The following MCTP1 variants were observed in gnomAD, a reference collection of about 807,000 sequenced individuals.
The protein encoded by MCTP1 is multiple C2 and transmembrane domain-containing protein 1.
Under a neutral mutation model 120.6 loss-of-function variants are expected in MCTP1, and 69 were observed. The ratio of observed to expected loss-of-function variants is 0.57; its 90% CI spans 0.47 to 0.70. The LOEUF (loss-of-function observed/expected upper bound fraction) is 0.70. MCTP1 is among the 30% of genes least tolerant of loss of function. MCTP1 has a pLI of 0.00. For synonymous variants in MCTP1, 529 were observed against 493.1 expected, an observed-to-expected ratio of 1.07 and a Z score of -0.96; for missense variants, 1,203 against 1,248.8, an observed-to-expected ratio of 0.96 and a Z score of 0.55.
At chr5:94,941,399 C>A (rs1298521938) in intron 4 of MCTP1, among the ~76,000 whole-genome samples, 1 of 152,056 alleles carries the variant, frequency 6.6e-6, no homozygotes, top group Non-Finnish European at 1.5e-5. Flanking sequence ...CAGTCTGAGG[C>A]AACAATGACT....
In MCTP1 at chr5:95,208,818, T is replaced by A. The variant is rs183081224; in HGVS notation, c.720+75038A>T. 4.3e-3 allele frequency among the ~76,000 whole-genome samples: 662 copies of A among 152,300 alleles called. 7 individuals are homozygous for A. Among genetic ancestry groups the A allele is most frequent in the African/African-American group, 0.015 (617 of 41,564 alleles). The stretch of plus-strand genomic sequence containing the variant: ...TATTCTTGCTTATCTAGAAATCACC[T>A]TCTTGAAAGTCACCAATGATCCATT... On this transcript the variant is annotated intron_variant, in intron 1 of 22. Coordinates refer to ENST00000515393, the MANE Select transcript of MCTP1 (RefSeq NM_024717.7).
chr5:95,169,669 G>A (rs1016629047), intron 1 of MCTP1, among the ~76,000 whole-genome samples: 5 of 152,046 alleles, frequency 3.3e-5, no homozygotes, highest in South Asian at 2.1e-4. Flanking sequence ...CTAGATTTTC[G>A]AGTTTATTTG....
At position 95,182,987 on chromosome 5, in the gene MCTP1, T is replaced by C. The variant is rs535444576; in HGVS notation, c.720+100869A>G. ...GTTGCAGTGGGCTGAGATCGCACCATTGCACTCCAGCCTGGGTGATAGAGC... is the reference window on the plus strand; with the variant it reads ...GTTGCAGTGGGCTGAGATCGCACCACTGCACTCCAGCCTGGGTGATAGAGC... On this transcript the variant is annotated intron_variant, in intron 1 of 22. Transcript: ENST00000515393. 2.8e-3 allele frequency among the ~76,000 whole-genome samples: 414 copies of C among 148,840 alleles called. 2 individuals are homozygous for C. The highest frequency in any genetic ancestry group is 9.8e-3 in the African/African-American group (393 of 40,282).
intron 1 of MCTP1, among the ~76,000 whole-genome samples, chr5:95,077,408 A>G (rs1753836602): frequency 1.3e-5 from 2 of 151,940 alleles, no homozygotes; most frequent in South Asian, 4.1e-4. Flanking sequence ...GTGTAAATAT[A>G]TATGTATATA....
intron 1 of MCTP1, among the ~76,000 whole-genome samples, chr5:95,148,652 A>G (rs949944443): frequency 9.9e-5 from 15 of 152,208 alleles, no homozygotes; most frequent in Non-Finnish European, 2.1e-4. Flanking sequence ...TTGGATCTCA[A>G]TGAGCTTCCT....
chr5:94,838,521 A>G (rs983714354), intron 17 of MCTP1, among the ~76,000 whole-genome samples: 5 of 152,136 alleles, frequency 3.3e-5, no homozygotes, highest in Non-Finnish European at 7.3e-5. Flanking sequence ...CACTAGAGTC[A>G]GAGAACAATA....
At chr5:95,268,893 T>A (rs1759133320) in intron 1 of MCTP1, among the ~76,000 whole-genome samples, 1 of 152,226 alleles carries the variant, frequency 6.6e-6, no homozygotes, top group African/African-American at 2.4e-5. Flanking sequence ...CATCGCTGGG[T>A]CAGGGTCTGT....
chr5:95,162,925 A>G (rs941363528), intron 1 of MCTP1, among the ~76,000 whole-genome samples: 22 of 152,194 alleles, frequency 1.4e-4, no homozygotes, highest in African/African-American at 5.3e-4. Context: ...TGTCATATCT[A>G]AAGGATGGCC....
rs931292375 is a variant in MCTP1, at chr5:95,099,663, A to C, written c.721-82179T>G. Reference sequence around the variant, plus strand: ...GATGTGGAGAAATAGGAACACTTTTACACTGTTGGTGGGACTGTAAACTAG... The same window carrying C: ...GATGTGGAGAAATAGGAACACTTTTCCACTGTTGGTGGGACTGTAAACTAG... On this transcript the variant is annotated intron_variant, in intron 1 of 22. Coordinates refer to ENST00000515393, the MANE Select transcript of MCTP1 (RefSeq NM_024717.7). Among the ~76,000 whole-genome samples the C allele has an allele frequency of 3.6e-3, 550 of 150,740 alleles. 3 individuals carry two copies. The highest frequency in any genetic ancestry group is 0.013 in the African/African-American group (511 of 40,874).
At chr5:94,975,415 T>G (rs140963476) in intron 2 of MCTP1, among the ~76,000 whole-genome samples, 1 of 151,944 alleles carries the variant, frequency 6.6e-6, no homozygotes, top group East Asian at 2.0e-4. Flanking sequence ...CTCCATGCAC[T>G]GAGGAAAGGC....
intron 19 of MCTP1, among the ~76,000 whole-genome samples, chr5:94,719,332 TTATTA>T (rs1182451546): frequency 6.6e-6 from 1 of 152,158 alleles, no homozygotes; most frequent in East Asian, 1.9e-4. Flanking sequence ...GGAATATAAA[TTATTA>T]TATTATAAAG....
Position 94,800,652 on chromosome 5 carries a change from C to G in MCTP1, c.2437-1520G>C, listed in dbSNP as rs146680129. ...AAATCTAATCATCTTTAATATTTCT[C>G]TAATATTTAAAATGACTTCATGACA... On this transcript the variant is annotated intron_variant, in intron 17 of 22. Transcript: ENST00000515393. Among the ~76,000 whole-genome samples the G allele has an allele frequency of 2.0e-4, 30 of 152,206 alleles. No homozygotes were observed. The East Asian group carries it at 4.4e-3, about 23-fold the overall frequency.
At chr5:94,873,876 A>G (rs1179895743) in intron 12 of MCTP1, among the ~76,000 whole-genome samples, 1 of 146,894 alleles carries the variant, frequency 6.8e-6, no homozygotes, top group East Asian at 2.0e-4. Flanking sequence ...AAAGAGCAGT[A>G]TTTTTTTTTT....
At chr5:94,895,341 A>G (rs867872260) in intron 10 of MCTP1, among the ~76,000 whole-genome samples, 15 of 152,214 alleles carry the variant, frequency 9.9e-5, no homozygotes, top group Middle Eastern at 6.3e-3. Flanking sequence ...TATTCATAGT[A>G]CTCTGTATAA....
At chr5:94,918,155 C>A (rs1485533500) in intron 7 of MCTP1, among the ~76,000 whole-genome samples, 182 bp from the exon 8 acceptor site, 1 of 152,168 alleles carries the variant, frequency 6.6e-6, no homozygotes, top group African/African-American at 2.4e-5. Flanking sequence ...CAATGCAATT[C>A]TACATTTCCA....
At chr5:95,128,039 G>T (rs913225323) in intron 1 of MCTP1, among the ~76,000 whole-genome samples, 7 of 152,174 alleles carry the variant, frequency 4.6e-5, no homozygotes, top group Admixed American at 4.6e-4. Flanking sequence ...ACAGGAAAAC[G>T]ACTTGCCTAG....
chr5:94,809,148 T>G (rs569165980), intron 17 of MCTP1, among the ~76,000 whole-genome samples: 19 of 152,234 alleles, frequency 1.2e-4, no homozygotes, highest in African/African-American at 4.1e-4. Context: ...AAGATGGAGC[T>G]ATCAACTAAT....
chr5:95,131,614 GTAGT>G (rs1218835758), intron 1 of MCTP1, among the ~76,000 whole-genome samples: 1 of 151,400 alleles, frequency 6.6e-6, no homozygotes, highest in Non-Finnish European at 1.5e-5. Flanking sequence ...TTTTGTCATC[GTAGT>G]TATACTTCTA....
At chr5:94,988,603 T>G (rs1310046578) in intron 2 of MCTP1, among the ~76,000 whole-genome samples, 5 of 151,234 alleles carry the variant, frequency 3.3e-5, no homozygotes, top group East Asian at 1.9e-4. Flanking sequence ...GTGTGTTTTT[T>G]TTTTTTTTTT....
Sources: allele counts gnomAD v4.1 joint callset (sites outside exome capture counted in the v4.1 genomes callset), GRCh38; gene constraint gnomAD v4.1.1; transcripts MANE v1.5; gene names NCBI Gene and HGNC (gene_info 2026-07-23, HGNC 2026-07-21).